RNF20: variants seen among roughly 807,000 people sequenced by gnomAD.
RNF20 encodes the protein E3 ubiquitin-protein ligase BRE1A.
RNF20 carries 84 observed loss-of-function variants against 126.2 expected under a neutral mutation model. That is an observed-to-expected ratio of 0.67 (90% CI 0.56 to 0.80). RNF20 has a LOEUF of 0.80. Among genes scored for constraint, RNF20 ranks in the 30% least tolerant of loss-of-function variants. The pLI, the probability that RNF20 is intolerant of heterozygous loss-of-function variation, is 0.00. For missense variants in RNF20, 869 were observed against 1,188.2 expected (o/e 0.73, Z 3.95); for synonymous variants, 400 against 414.3 (o/e 0.97, Z 0.42).
intron 9 of RNF20, among the ~76,000 whole-genome samples, chr9:101,550,154 A>G (rs528242667): frequency 6.6e-6 from 1 of 152,324 alleles, no homozygotes; most frequent in African/African-American, 2.4e-5. Flanking sequence ...AACAAAAACA[A>G]CCTAAGTTAA....
chr9:101,545,088 C>A (rs374244493), intron 6 of RNF20, among the ~76,000 whole-genome samples: 139 of 152,176 alleles, frequency 9.1e-4, no homozygotes, highest in African/African-American at 3.1e-3. Flanking sequence ...TGAGGAATGG[C>A]GTGGTAGAAA....
At position 101,552,386 on chromosome 9, in the gene RNF20, C is replaced by T. The variant is rs772530072; in HGVS notation, c.1534C>T (p.Arg512Cys). ...REAQSDLNKTRLRSGSALLQS... is the reference protein window; with the variant it reads ...REAQSDLNKTCLRSGSALLQS... ...TTTCTTTTCTTTATTCTCCCAGACA[C>T]GCCTGCGTAGTGGTAGTGCCCTCCT... The change falls in exon 13 of 20, where the codon CGC becomes TGC. Residue 512 changes from arginine (R) to cysteine (C), a missense_variant. Physicochemically the swap from Arg to Cys is radical, Grantham distance 180. Coordinates refer to ENST00000389120, the MANE Select transcript of RNF20 (RefSeq NM_019592.7). The T allele has an allele frequency of 1.2e-5, 19 of 1,605,306 alleles. No homozygotes were observed. Among genetic ancestry groups the T allele is most frequent in the Middle Eastern group, 1.7e-4 (1 of 6,020 alleles).
At chr9:101,557,625 C>G in intron 16 of RNF20, 29 bp downstream of exon 16, 1 of 1,515,856 alleles carries the variant, frequency 6.6e-7, no homozygotes, top group Non-Finnish European at 9.2e-7. Flanking sequence ...GCTTTCTATT[C>G]TGTTGAAATA....
Position 101,543,958 on chromosome 9 carries a change from AACC to A in RNF20, c.629-804_629-802del, listed in dbSNP as rs1588218517. Among the ~76,000 whole-genome samples, 3 of 152,306 alleles carry A rather than the reference AACC, an allele frequency of 2.0e-5. No individual in the cohort carries two copies. The East Asian group carries it at 5.8e-4, about 29-fold the overall frequency. On this transcript the variant is annotated intron_variant, in intron 5 of 19. Transcript: ENST00000389120. Reference sequence around the variant, plus strand: ...GCAAGCCTAGCTTGAAAACCATGAAAACCACCATATGACCAACCTGTTCTGTAT... The same window carrying A: ...GCAAGCCTAGCTTGAAAACCATGAAAACCATATGACCAACCTGTTCTGTAT...
Position 101,552,764 on chromosome 9 carries a change from C to T in RNF20, c.1901+11C>T, listed in dbSNP as rs756567777. 1.8e-5 allele frequency: 28 copies of T among 1,585,234 alleles called. No individual in the cohort carries two copies. Among genetic ancestry groups the T allele is most frequent in the African/African-American group, 2.7e-5 (2 of 73,398 alleles). On this transcript the variant is annotated intron_variant, in intron 13 of 19. Transcript: ENST00000389120. ...GAAGATTGAACTCAAGTAAGAACCACATTTAGAGTAACAGTTTCGACTGAA... is the reference window on the plus strand; with the variant it reads ...GAAGATTGAACTCAAGTAAGAACCATATTTAGAGTAACAGTTTCGACTGAA...
intron 16 of RNF20, among the ~76,000 whole-genome samples, chr9:101,559,418 T>G (rs796824510): frequency 2.0e-5 from 3 of 152,304 alleles, no homozygotes; most frequent in African/African-American, 7.2e-5. Flanking sequence ...GGATTGTTTG[T>G]TCTAGTTCCG....
At chr9:101,537,296 A>T (rs1419150084) in intron 2 of RNF20, among the ~76,000 whole-genome samples, 2 of 152,220 alleles carry the variant, frequency 1.3e-5, no homozygotes. Flanking sequence ...GATAACTCAC[A>T]TGAAAGATAG....
intron 3 of RNF20, 56 bp downstream of exon 3, chr9:101,540,426 C>T: frequency 6.2e-7 from 1 of 1,611,048 alleles, no homozygotes; most frequent in Admixed American, 1.7e-5. Flanking sequence ...GTTCTCCTTA[C>T]TGTTCTCTTC....
chr9:101,552,664 A>C lies in RNF20; in HGVS notation c.1812A>C (p.Arg604Ser), dbSNP rs186847406. 1.3e-6 allele frequency: 2 copies of C among 1,522,774 alleles called. No homozygotes were observed. Among genetic ancestry groups the C allele is most frequent in the East Asian group, 2.3e-5 (1 of 44,406 alleles). 94.3% of individuals were successfully genotyped at this position (1,522,774 alleles called of 1,614,324 possible). A position where few individuals can be genotyped will look rare whatever the true frequency, so the allele number is the denominator to read the frequency against. The part of the protein sequence containing the change: ...KQKLKESEKE[R>S]DSAKDKEKGK... The stretch of plus-strand genomic sequence containing the variant: ...AGCTAAAAGAGTCAGAAAAAGAGAG[A>C]GATTCTGCTAAGGATAAAGAGAAAG... The change falls in exon 13 of 20, where the codon AGA becomes AGC. Residue 604 changes from arginine to serine, a missense_variant. By Grantham distance (110) the Arg-to-Ser change is moderately radical. Transcript: ENST00000389120.
At chr9:101,536,526 A>G (rs1050806359) in intron 2 of RNF20, among the ~76,000 whole-genome samples, 20 of 152,124 alleles carry the variant, frequency 1.3e-4, no homozygotes, top group African/African-American at 4.8e-4. Flanking sequence ...GGTACTTAAT[A>G]TTGCTGGCAG....
In RNF20 at chr9:101,550,683, C is replaced by G. The variant is rs777440770; in HGVS notation, c.1170C>G (p.Val390=). 12 of 1,614,092 alleles carry G rather than the reference C, an allele frequency of 7.4e-6. No homozygotes were observed. The highest frequency in any genetic ancestry group is 9.3e-6 in the Non-Finnish European group (11 of 1,179,952). ...GCTGCATGCAGTCACAGTTCTCCGT[C>G]TTGTATAATGAGAGCCTACAGTTGA... ...EYRCMQSQFS[V]LYNESLQLKA... is the part of the protein sequence containing the mutation. The change falls in exon 10 of 20, where the codon GTC becomes GTG. Residue 390 remains valine, a synonymous_variant. Coordinates refer to ENST00000389120, the MANE Select transcript of RNF20 (RefSeq NM_019592.7).
chr9:101,556,009 CT>C (rs147788792), intron 15 of RNF20, among the ~76,000 whole-genome samples: 16 of 147,844 alleles, frequency 1.1e-4, no homozygotes, highest in East Asian at 4.0e-4. Flanking sequence ...GTAAATGCCA[CT>C]TTTTTTTTTC....
Position 101,561,972 on chromosome 9 carries a change from G to A in RNF20, c.2712G>A (p.Lys904=), listed in dbSNP as rs774607956. 3.3e-5 allele frequency: 53 copies of A among 1,612,448 alleles called. No homozygotes were observed. Among genetic ancestry groups the A allele is most frequent in the Non-Finnish European group, 4.1e-5 (48 of 1,179,440 alleles). The change falls in exon 19 of 20, where the codon AAG becomes AAA. Residue 904 remains lysine (K), a synonymous_variant. Transcript: ENST00000389120. ...ETTKKPDNVP[K]CDEILMEEIK... is the part of the protein sequence containing the mutation. ...CAAAGAAACCAGACAATGTACCCAAGTGTGATGAGATTCTGATGGAAGAGA... is the reference window on the plus strand; with the variant it reads ...CAAAGAAACCAGACAATGTACCCAAATGTGATGAGATTCTGATGGAAGAGA...
In RNF20 at chr9:101,560,824, A is replaced by G. The variant is rs1325727810; in HGVS notation, c.2406A>G (p.Val802=). 3 of 1,613,124 alleles carry G rather than the reference A, an allele frequency of 1.9e-6. No homozygotes were observed. The highest frequency in any genetic ancestry group is 2.5e-6 in the Non-Finnish European group (3 of 1,179,486). The stretch of plus-strand genomic sequence containing the variant: ...AGGTTGATGCCCAGCTACAGGTAGT[A>G]AGGAAACTGGAAGAGAAGGAGCATC... The part of the protein sequence containing the change: ...KTQVDAQLQV[V]RKLEEKEHLL... Residue 802 remains valine, a synonymous_variant, in exon 17 of 20, where the codon GTA becomes GTG. Coordinates refer to ENST00000389120, the MANE Select transcript of RNF20 (RefSeq NM_019592.7).
At chr9:101,552,027 T>G in intron 11 of RNF20, 114 bp from the exon 12 acceptor site, 1 of 1,423,608 alleles carries the variant, frequency 7.0e-7, no homozygotes, top group Non-Finnish European at 9.6e-7. Context: ...AAGGAATCTT[T>G]TATTTGGTAA....
chr9:101,536,336 TTTTACATTTTGTAAAATGC>T (rs1355335612), intron 2 of RNF20, among the ~76,000 whole-genome samples: 5 of 152,224 alleles, frequency 3.3e-5, no homozygotes, highest in African/African-American at 9.6e-5. Flanking sequence ...TATTAAAATG[TTTTACATTTTGTAAAATGC>T]TTTACATTTG....
chr9:101,541,020 G>A (rs1487752657), intron 5 of RNF20, 45 bp downstream of exon 5: 1 of 1,482,634 alleles, frequency 6.7e-7, no homozygotes. Context: ...GGAGGAATAA[G>A]AATTCATTTT....
chr9:101,554,787 C>A lies in RNF20; in HGVS notation c.2113C>A (p.Arg705=). Reference sequence around the variant, plus strand: ...TGATGAGGATGCCTTGAGGAAGATCCGGGCAGTGGAGGAGCAGATAGAATA... The same window carrying A: ...TGATGAGGATGCCTTGAGGAAGATCAGGGCAGTGGAGGAGCAGATAGAATA... The part of the protein sequence containing the change: ...MADEDALRKI[R]AVEEQIEYLQ... Residue 705 remains arginine (R), a synonymous_variant, in exon 15 of 20, where the codon CGG becomes AGG. Transcript: ENST00000389120. 2 of 1,574,460 alleles carry A rather than the reference C, an allele frequency of 1.3e-6. No individual in the cohort carries two copies. Among genetic ancestry groups the A allele is most frequent in the African/African-American group, 1.4e-5 (1 of 73,420 alleles).
chr9:101,546,634 A>G (rs1462345216), intron 6 of RNF20, among the ~76,000 whole-genome samples, 186 bp from the exon 7 acceptor site: 4 of 152,130 alleles, frequency 2.6e-5, no homozygotes, highest in Non-Finnish European at 5.9e-5. Context: ...TAAAGTTTGC[A>G]TGATTATAAC....
Sources: gnomAD v4.1 joint callset for allele counts (sites outside exome capture counted in the v4.1 genomes callset) on GRCh38, gnomAD v4.1.1 for gene constraint, MANE v1.5 for transcripts, NCBI Gene and HGNC (gene_info 2026-07-23, HGNC 2026-07-21) for gene names.